Variants in IL7 observed in about 807,000 individuals in gnomAD.
IL7 encodes the protein interleukin-7.
In IL7, 3 loss-of-function variants were observed where a neutral mutation model predicts 21.6. The observed-to-expected ratio is 0.14, with a 90% CI of 0.06 to 0.36. The LOEUF (loss-of-function observed/expected upper bound fraction) is 0.36. IL7 is among the 10% of genes least tolerant of loss of function. The pLI, the probability that IL7 is intolerant of heterozygous loss-of-function variation, is 1.00. For missense variants in IL7, 175 were observed against 200.2 expected, an observed-to-expected ratio of 0.87 and a Z score of 0.76; for synonymous variants, 62 against 68.1, an observed-to-expected ratio of 0.91 and a Z score of 0.44.
chr8:78,767,842 A>C (rs1333852612), intron 2 of IL7, among the ~76,000 whole-genome samples: 1 of 152,110 alleles, frequency 6.6e-6, no homozygotes, highest in Non-Finnish European at 1.5e-5. Context: ...ACATAAGTAT[A>C]CATGTGCCAT....
chr8:78,697,606 A>G, intron 3 of IL7: 2 of 826,646 alleles, frequency 2.4e-6, no homozygotes, highest in South Asian at 1.8e-5. Context: ...AGATAGATTT[A>G]TAATTAAGAA....
intron 3 of IL7, chr8:78,689,150 G>T: frequency 8.4e-7 from 1 of 1,187,956 alleles, no homozygotes; most frequent in Non-Finnish European, 1.1e-6. Flanking sequence ...TGACTGCATA[G>T]AAACTTAAGA....
intron 3 of IL7, among the ~76,000 whole-genome samples, chr8:78,712,643 G>A (rs997230976): frequency 6.6e-6 from 1 of 152,136 alleles, no homozygotes; most frequent in African/African-American, 2.4e-5. Context: ...AAAGAGTCAA[G>A]CTCGAGGAAG....
At chr8:78,694,416 C>T (rs1051688198) in intron 3 of IL7, among the ~76,000 whole-genome samples, 1 of 151,804 alleles carries the variant, frequency 6.6e-6, no homozygotes, top group Non-Finnish European at 1.5e-5. Flanking sequence ...AAGATGTGTG[C>T]TGTGCTTATT....
chr8:78,760,032 T>G, intron 2 of IL7: 1 of 899,288 alleles, frequency 1.1e-6, no homozygotes, highest in South Asian at 2.7e-5. Context: ...GGCTAATGTA[T>G]TCAATGGAGT....
At position 78,732,973 on chromosome 8, in the gene IL7, A is replaced by G. The variant is rs1475187680; in HGVS notation, c.*740T>C. 1 of 152,130 alleles carries G rather than the reference A, an allele frequency of 6.6e-6. No individual in the cohort carries two copies. The highest frequency in any genetic ancestry group is 1.5e-5 in the Non-Finnish European group (1 of 67,986). The allele number at this position is 152,130 out of a possible 1,614,324, so 9.4% of individuals were successfully genotyped here. A position where few individuals can be genotyped will look rare whatever the true frequency, so the allele number is the denominator to read the frequency against. Reference sequence around the variant, plus strand: ...AACTTATTTAGACAAGTTATAATCTATATAAATGACAATGTAACTCAGTAC... The same window carrying G: ...AACTTATTTAGACAAGTTATAATCTGTATAAATGACAATGTAACTCAGTAC... On this transcript the variant is annotated 3_prime_UTR_variant, in exon 6 of 6. Coordinates refer to ENST00000263851, the MANE Select transcript of IL7 (RefSeq NM_000880.4).
rs1283166526 is a variant in IL7 at position 78,760,510 on chromosome 8, T to A, written c.148-20428A>T. On this transcript the variant is annotated intron_variant, in intron 2 of 5. Coordinates refer to ENST00000263851, the MANE Select transcript of IL7 (RefSeq NM_000880.4). ...TGATTCCCCAACAATGAAGCTCAGC[T>A]GACAGCGTGTCAGGATTGGGTAAGT... 5 of 1,537,922 alleles carry A rather than the reference T, an allele frequency of 3.3e-6. No homozygotes were observed. In the African/African-American group the frequency reaches 6.9e-5, roughly 21 times the overall value.
At chr8:78,678,319 T>G (rs141204504) in intron 4 of IL7, among the ~76,000 whole-genome samples, 2,760 of 152,266 alleles carry the variant, frequency 0.018, 45 homozygotes, top group Non-Finnish European at 0.024. Flanking sequence ...AATAACTTAA[T>G]GACATGTTAG....
At chr8:78,772,390 A>T (rs1271845579) in intron 2 of IL7, among the ~76,000 whole-genome samples, 1 of 152,004 alleles carries the variant, frequency 6.6e-6, no homozygotes, top group East Asian at 1.9e-4. Flanking sequence ...TGTCTACTTT[A>T]AAAAAAATAT....
In IL7 at chr8:78,757,633, A is replaced by G. The variant is rs372338593; in HGVS notation, c.148-17551T>C. Among the ~76,000 whole-genome samples, 33 of 152,222 alleles carry G rather than the reference A, an allele frequency of 2.2e-4. 1 individual carries two copies. Among genetic ancestry groups the G allele is most frequent in the East Asian group, 2.1e-3 (11 of 5,186 alleles). On this transcript the variant is annotated intron_variant, in intron 2 of 5. Coordinates refer to ENST00000263851, the MANE Select transcript of IL7 (RefSeq NM_000880.4). ...TTAATGAATTGATCCCTTCATCATTACATACTAGACCTCTTTATCTCTTGT... is the reference window on the plus strand; with the variant it reads ...TTAATGAATTGATCCCTTCATCATTGCATACTAGACCTCTTTATCTCTTGT...
intron 2 of IL7, among the ~76,000 whole-genome samples, chr8:78,750,967 G>A (rs1812147653): frequency 6.6e-6 from 1 of 151,896 alleles, no homozygotes; most frequent in Admixed American, 6.6e-5. Context: ...AAATGATAAA[G>A]ATCAAAAACA....
chr8:78,758,211 C>A (rs1412104749), intron 2 of IL7, among the ~76,000 whole-genome samples: 1 of 152,034 alleles, frequency 6.6e-6, no homozygotes, highest in East Asian at 1.9e-4. Context: ...TTCTTTTCTA[C>A]CCATTCAGCC....
chr8:78,718,834 G>C (rs944259214), intron 6 of IL7: 8 of 151,374 alleles, frequency 5.3e-5, no homozygotes, highest in African/African-American at 1.7e-4. Flanking sequence ...TGATCTTACT[G>C]TAAAGGTACA....
At chr8:78,739,120 T>C (rs1266526076) in intron 3 of IL7, among the ~76,000 whole-genome samples, 3 of 152,104 alleles carry the variant, frequency 2.0e-5, no homozygotes. Flanking sequence ...AATTAAGAAA[T>C]TTAAAAAAAA....
At chr8:78,756,399 T>A (rs1472964830) in intron 2 of IL7, among the ~76,000 whole-genome samples, 1 of 151,974 alleles carries the variant, frequency 6.6e-6, no homozygotes, top group African/African-American at 2.4e-5. Context: ...TTGGCATTTG[T>A]CTTGCTTTAA....
intron 2 of IL7, among the ~76,000 whole-genome samples, chr8:78,747,336 C>T (rs1030150398): frequency 6.6e-6 from 1 of 151,902 alleles, no homozygotes; most frequent in African/African-American, 2.4e-5. Context: ...AGGCATGCAC[C>T]ACCAAAGCCA....
chr8:78,687,132 G>A lies in IL7; in HGVS notation n.215-1185C>T, dbSNP rs181369651. 6.1e-3 allele frequency among the ~76,000 whole-genome samples: 933 copies of A among 152,026 alleles called. 6 individuals carry two copies. The highest frequency in any genetic ancestry group is 6.4e-3 in the Non-Finnish European group (438 of 67,944). On this transcript the variant is annotated intron_variant and non_coding_transcript_variant, in intron 3 of 4. Coordinates refer to the IL7 transcript ENST00000523959. ...GTTGCTTGAGTCATTGTTACTAAAAGCAAAGCAAGATTTTTGCAACCTTGT... is the reference window on the plus strand; with the variant it reads ...GTTGCTTGAGTCATTGTTACTAAAAACAAAGCAAGATTTTTGCAACCTTGT...
chr8:78,751,296 A>G (rs1288537536), intron 2 of IL7, among the ~76,000 whole-genome samples: 1 of 152,226 alleles, frequency 6.6e-6, no homozygotes, highest in Admixed American at 6.5e-5. Flanking sequence ...TAAGAATTAC[A>G]TCCAAATTCA....
chr8:78,761,655 G>A (rs1303249269), intron 2 of IL7: 1 of 1,612,024 alleles, frequency 6.2e-7, no homozygotes, highest in South Asian at 1.1e-5. Context: ...GAAAAGACGT[G>A]TGAGTCTCTC....
Sources: gnomAD v4.1 joint callset for allele counts (sites outside exome capture counted in the v4.1 genomes callset) on GRCh38, gnomAD v4.1.1 for gene constraint, MANE v1.5 for transcripts, NCBI Gene and HGNC (gene_info 2026-07-23, HGNC 2026-07-21) for gene names.